The following RAB22A variants were observed in gnomAD, a reference collection of about 807,000 sequenced individuals.
The protein encoded by RAB22A is ras-related protein Rab-22A.
In RAB22A, 13 loss-of-function variants were observed where a neutral mutation model predicts 30.2. The observed-to-expected ratio is 0.43, with a 90% CI of 0.28 to 0.68. The LOEUF is 0.68. Among genes scored for constraint, RAB22A ranks in the 30% least tolerant of loss-of-function variants. The probability of loss-of-function intolerance (pLI) is 0.18; values close to 1 mark genes in which losing one functional copy is unlikely to be tolerated. For synonymous variants in RAB22A, 89 were observed against 87.2 expected (o/e 1.02, Z -0.11); for missense variants, 177 against 246.8 (o/e 0.72, Z 1.89).
At chr20:58,351,322 C>T (rs1261351098) in intron 3 of RAB22A, among the ~76,000 whole-genome samples, 2 of 148,276 alleles carry the variant, frequency 1.3e-5, no homozygotes, top group African/African-American at 2.5e-5. Flanking sequence ...GGTGACAGAG[C>T]GAGACTCTGT....
intron 3 of RAB22A, among the ~76,000 whole-genome samples, chr20:58,344,142 A>G (rs1986904479): frequency 6.6e-6 from 1 of 152,252 alleles, no homozygotes; most frequent in East Asian, 1.9e-4. Context: ...AGTGGTAGAA[A>G]GGGTGAGTTA....
intron 3 of RAB22A, among the ~76,000 whole-genome samples, chr20:58,352,314 CCT>C (rs1987065159): frequency 6.6e-6 from 1 of 152,124 alleles, no homozygotes; most frequent in African/African-American, 2.4e-5. Flanking sequence ...CAAATGCTCC[CCT>C]GTGATAATCC....
intron 3 of RAB22A, among the ~76,000 whole-genome samples, chr20:58,346,383 C>A (rs1986946912): frequency 6.6e-6 from 1 of 152,216 alleles, no homozygotes; most frequent in African/African-American, 2.4e-5. Flanking sequence ...GTGACTTGCC[C>A]AGGCCTCCCC....
In RAB22A at chr20:58,353,429, C is replaced by A; in HGVS notation, c.271-3C>A. ...CAGTTGCTCTCTTTTTTGTGTGTTA[C>A]AGGAGACATTTTCAACATTAAAGAA... On this transcript the variant is annotated splice_polypyrimidine_tract_variant and splice_region_variant and intron_variant, in intron 4 of 6. Transcript: ENST00000244040. 6.2e-7 allele frequency: 1 copy of A among 1,611,880 alleles called. No homozygotes were observed. Among genetic ancestry groups the A allele is most frequent in the Non-Finnish European group, 8.5e-7 (1 of 1,178,022 alleles).
At chr20:58,347,118 T>C (rs1986962906) in intron 3 of RAB22A, among the ~76,000 whole-genome samples, 1 of 152,240 alleles carries the variant, frequency 6.6e-6, no homozygotes, top group African/African-American at 2.4e-5. Flanking sequence ...TTTGTAGTTA[T>C]GACATTTATT....
chr20:58,349,773 A>G (rs911149365), intron 3 of RAB22A, among the ~76,000 whole-genome samples: 4 of 152,144 alleles, frequency 2.6e-5, no homozygotes, highest in African/African-American at 9.6e-5. Flanking sequence ...GTAACTTAAT[A>G]CTCTTCAGAG....
intron 3 of RAB22A, among the ~76,000 whole-genome samples, chr20:58,350,600 C>T (rs975482373): frequency 1.3e-5 from 2 of 152,174 alleles, no homozygotes; most frequent in African/African-American, 2.4e-5. Flanking sequence ...TAACTTTACA[C>T]ATAAACGCCG....
rs1382222518 is a variant in RAB22A at position 58,309,837 on chromosome 20, A to G, written c.-140A>G. ...GCGGACAGGCCGGACCTACGGCCGG[A>G]GGACGGGCGGCAGCCGCCTCTGCGC... is the stretch of plus-strand genomic sequence containing the variant. On this transcript the variant is annotated 5_prime_UTR_variant, in exon 1 of 7. Transcript: ENST00000244040. 3 of 788,426 alleles carry G rather than the reference A, an allele frequency of 3.8e-6. No homozygotes were observed. Among genetic ancestry groups the G allele is most frequent in the Non-Finnish European group, 3.5e-6 (2 of 578,722 alleles). 48.8% of individuals were successfully genotyped at this position (788,426 alleles called of 1,614,324 possible).
At chr20:58,311,008 A>G (rs368177340) in intron 1 of RAB22A, 35 bp from the exon 2 acceptor site, 36 of 1,538,604 alleles carry the variant, frequency 2.3e-5, no homozygotes, top group Non-Finnish European at 3.0e-5. Context: ...CAAAAGGTAA[A>G]CTTTTTCTCA....
At chr20:58,312,730 T>C (rs2122919670) in intron 2 of RAB22A, among the ~76,000 whole-genome samples, 1 of 152,156 alleles carries the variant, frequency 6.6e-6, no homozygotes, top group African/African-American at 2.4e-5. Context: ...GACCTCGTGA[T>C]CCGCCTGCCT....
chr20:58,319,144 G>GAA (rs369752561), intron 2 of RAB22A, among the ~76,000 whole-genome samples: 1 of 146,800 alleles, frequency 6.8e-6, no homozygotes, highest in Non-Finnish European at 1.5e-5. Context: ...CTGACATATG[G>GAA]AAAAAAAAAA....
At chr20:58,348,758 G>A (rs1159403626) in intron 3 of RAB22A, among the ~76,000 whole-genome samples, 1 of 151,634 alleles carries the variant, frequency 6.6e-6, no homozygotes, top group Non-Finnish European at 1.5e-5. Context: ...GTCTCAGGCT[G>A]CATATAAAAT....
intron 2 of RAB22A, among the ~76,000 whole-genome samples, chr20:58,314,238 T>C (rs576171380): frequency 1.1e-3 from 170 of 152,236 alleles, no homozygotes; most frequent in African/African-American, 3.9e-3. Flanking sequence ...CTAATTTTTG[T>C]ATTTTGAGTA....
intron 2 of RAB22A, among the ~76,000 whole-genome samples, chr20:58,321,051 G>A (rs563085499): frequency 7.5e-4 from 114 of 151,960 alleles, no homozygotes; most frequent in African/African-American, 2.5e-3. Flanking sequence ...TTAGCTGGGC[G>A]TGGTGGCACA....
rs1987284723 is a variant in RAB22A at position 58,364,714 on chromosome 20, A to G, written c.*5011A>G. The G allele has an allele frequency of 6.6e-6, 1 of 151,774 alleles. No homozygotes were observed. The highest frequency in any genetic ancestry group is 2.4e-5 in the African/African-American group (1 of 41,304). The allele number at this position is 151,774 out of a possible 1,614,324, so 9.4% of individuals were successfully genotyped here. On this transcript the variant is annotated 3_prime_UTR_variant, in exon 7 of 7. Coordinates refer to ENST00000244040, the MANE Select transcript of RAB22A (RefSeq NM_020673.3). ...CTATCAGCCAATTAAAAGCCGTAAG[A>G]TAGTAATGATTTTTTTTCTTTTTTT... is the stretch of plus-strand genomic sequence containing the variant.
At chr20:58,342,775 C>T (rs1212700725) in intron 2 of RAB22A, among the ~76,000 whole-genome samples, 2 of 151,918 alleles carry the variant, frequency 1.3e-5, no homozygotes, top group Non-Finnish European at 2.9e-5. Context: ...GACTGGGAGA[C>T]AAAGGACTTC....
intron 5 of RAB22A, 143 bp downstream of exon 5, chr20:58,353,681 T>C: frequency 1.4e-6 from 1 of 736,700 alleles, no homozygotes. Context: ...TCCTAAATTT[T>C]TAAACTAAAA....
At chr20:58,320,559 C>G (rs1986434306) in intron 2 of RAB22A, among the ~76,000 whole-genome samples, 1 of 152,098 alleles carries the variant, frequency 6.6e-6, no homozygotes, top group Non-Finnish European at 1.5e-5. Flanking sequence ...GTTATCTGAG[C>G]ATTTAGAACT....
At chr20:58,358,332 T>G (rs888536572) in intron 6 of RAB22A, among the ~76,000 whole-genome samples, 2 of 152,146 alleles carry the variant, frequency 1.3e-5, no homozygotes, top group Non-Finnish European at 1.5e-5. Context: ...CTGTCAAAAT[T>G]TAAATTGCAC....
Sources: allele counts gnomAD v4.1 joint callset (sites outside exome capture counted in the v4.1 genomes callset), GRCh38; gene constraint gnomAD v4.1.1; transcripts MANE v1.5; gene names NCBI Gene and HGNC (gene_info 2026-07-23, HGNC 2026-07-21).